Variants in CAMTA1 observed in about 807,000 individuals in gnomAD.
CAMTA1 encodes the protein calmodulin-binding transcription activator 1.
CAMTA1 carries 27 observed loss-of-function variants against 170.9 expected under a neutral mutation model. That is an observed-to-expected ratio of 0.16 (90% confidence interval 0.12 to 0.22). CAMTA1 has a LOEUF of 0.22. CAMTA1 is among the 10% of genes least tolerant of loss of function. CAMTA1 has a pLI of 1.00. For missense variants in CAMTA1, 1,619 were observed against 2,217.2 expected, an observed-to-expected ratio of 0.73 and a Z score of 5.42; for synonymous variants, 833 against 891.5, an observed-to-expected ratio of 0.93 and a Z score of 1.17.
chr1:7,484,510 C>T (rs1043846912), intron 6 of CAMTA1, among the ~76,000 whole-genome samples: 10 of 152,318 alleles, frequency 6.6e-5, no homozygotes, highest in African/African-American at 2.4e-4. Flanking sequence ...ACAATCGTGG[C>T]CGGGCACGGT....
chr1:6,842,194 G>A (rs1656052726), intron 3 of CAMTA1, among the ~76,000 whole-genome samples: 3 of 152,216 alleles, frequency 2.0e-5, no homozygotes, highest in Admixed American at 1.3e-4. Flanking sequence ...GCTCACAGAG[G>A]TGGAAGACCA....
chr1:7,195,317 C>T lies in CAMTA1; in HGVS notation c.303-54174C>T, dbSNP rs773755732. Among the ~76,000 whole-genome samples the T allele has an allele frequency of 3.3e-5, 5 of 152,186 alleles. No homozygotes were observed. Among genetic ancestry groups the T allele is most frequent in the Admixed American group, 6.5e-5 (1 of 15,276 alleles). Reference sequence around the variant, plus strand: ...GAAATGCAAGTGGAAATGACAAGTGCGACTTCATGGCACAGATTTTCGGAG... The same window carrying T: ...GAAATGCAAGTGGAAATGACAAGTGTGACTTCATGGCACAGATTTTCGGAG... On this transcript the variant is annotated intron_variant, in intron 4 of 22. Coordinates refer to ENST00000303635, the MANE Select transcript of CAMTA1 (RefSeq NM_015215.4). This position sits in a 1 kb window ranked among gnomAD's most constrained non-coding sequence, Gnocchi z 4.1.
At chr1:7,222,402 C>A (rs1224897116) in intron 4 of CAMTA1, among the ~76,000 whole-genome samples, 1 of 152,130 alleles carries the variant, frequency 6.6e-6, no homozygotes, top group African/African-American at 2.4e-5. Flanking sequence ...TTCTGCATCT[C>A]GCTGTCTTCC....
chr1:7,307,756 A>T (rs879899229), intron 5 of CAMTA1, among the ~76,000 whole-genome samples: 1 of 151,920 alleles, frequency 6.6e-6, no homozygotes, highest in Non-Finnish European at 1.5e-5. Context: ...TTTATTTTCT[A>T]ATATTCTGTT....
At chr1:6,932,188 C>G (rs1437037742) in intron 3 of CAMTA1, among the ~76,000 whole-genome samples, 1 of 152,078 alleles carries the variant, frequency 6.6e-6, no homozygotes, top group Non-Finnish European at 1.5e-5. Flanking sequence ...CCAGGGCCTC[C>G]CCCCTCCTCG....
chr1:6,856,262 C>A (rs1418465052), intron 3 of CAMTA1, among the ~76,000 whole-genome samples: 1 of 149,308 alleles, frequency 6.7e-6, no homozygotes, highest in Non-Finnish European at 1.5e-5. Flanking sequence ...TCAAGATGGC[C>A]AAGATGGAAC....
intron 5 of CAMTA1, among the ~76,000 whole-genome samples, chr1:7,281,899 C>G (rs1671574908): frequency 6.6e-6 from 1 of 151,380 alleles, no homozygotes; most frequent in Admixed American, 6.6e-5. Flanking sequence ...TAGAAACCAA[C>G]CCCCTGTTCT....
chr1:6,919,846 G>T (rs1005228326), intron 3 of CAMTA1, among the ~76,000 whole-genome samples: 1 of 152,020 alleles, frequency 6.6e-6, no homozygotes, highest in South Asian at 2.1e-4. Context: ...TCGCTATTAC[G>T]AGAACAGCAT....
intron 5 of CAMTA1, among the ~76,000 whole-genome samples, chr1:7,369,573 T>C (rs1301522612): frequency 6.6e-6 from 1 of 151,808 alleles, no homozygotes; most frequent in Non-Finnish European, 1.5e-5. Context: ...TGGGTGGGGA[T>C]TCCAGCCATC....
At chr1:7,564,839 G>A (rs373114466) in intron 6 of CAMTA1, among the ~76,000 whole-genome samples, 1 of 152,062 alleles carries the variant, frequency 6.6e-6, no homozygotes, top group African/African-American at 2.4e-5. Context: ...CAGAAAAAAG[G>A]AGAGTTGAGA....
chr1:6,879,893 A>G (rs144105754), intron 3 of CAMTA1, among the ~76,000 whole-genome samples: 34 of 148,854 alleles, frequency 2.3e-4, no homozygotes, highest in Non-Finnish European at 2.8e-4. Flanking sequence ...TCCCAAAGTG[A>G]TGGGATTACA....
At chr1:7,631,755 G>A (rs909044087) in intron 6 of CAMTA1, among the ~76,000 whole-genome samples, 1 of 152,166 alleles carries the variant, frequency 6.6e-6, no homozygotes, top group Admixed American at 6.5e-5. Context: ...TTGTGCTTCC[G>A]TCCATCCTCC....
At chr1:7,555,801 C>T (rs1477835886) in intron 6 of CAMTA1, among the ~76,000 whole-genome samples, 1 of 152,154 alleles carries the variant, frequency 6.6e-6, no homozygotes, top group African/African-American at 2.4e-5. Flanking sequence ...CCCCAGGTCA[C>T]CACTAGGTCT....
intron 6 of CAMTA1, among the ~76,000 whole-genome samples, chr1:7,579,547 C>CTTTTCT: frequency 1.8e-5 from 2 of 111,462 alleles, no homozygotes; most frequent in East Asian, 2.3e-4. Context: ...CTTTTCTTTT[C>CTTTTCT]TTTTCTTTTT....
Position 7,649,080 on chromosome 1 carries a change from G to A in CAMTA1, c.664+8527G>A, listed in dbSNP as rs531546585. 6.8e-4 allele frequency among the ~76,000 whole-genome samples: 104 copies of A among 152,354 alleles called. 1 individual carries two copies. Among genetic ancestry groups the A allele is most frequent in the Non-Finnish European group, 9.8e-4 (67 of 68,030 alleles). On this transcript the variant is annotated intron_variant, in intron 7 of 22. Transcript: ENST00000303635. The stretch of plus-strand genomic sequence containing the variant: ...CTAAGTACTGGGTGTACCATTTCTG[G>A]ATGTTCCAGGACTGTGTGAGGACTT...
Position 7,093,419 on chromosome 1 carries a change from G to C in CAMTA1, c.302+2048G>C, listed in dbSNP as rs1346196586. Among the ~76,000 whole-genome samples, 1 of 152,116 alleles carries C rather than the reference G, an allele frequency of 6.6e-6. No individual in the cohort carries two copies. The highest frequency in any genetic ancestry group is 6.5e-5 in the Admixed American group (1 of 15,268). ...TGGCCCTTATCTCAAGCAGCCGCCA[G>C]CCTCTCCTTGCGCCCTTCACTCTCC... On this transcript the variant is annotated intron_variant, in intron 4 of 22. Transcript: ENST00000303635. The surrounding 1 kb of genome is among the most constrained non-coding windows in gnomAD (Gnocchi z 4.6).
At chr1:7,397,310 G>T (rs750442068) in intron 5 of CAMTA1, among the ~76,000 whole-genome samples, 2 of 151,842 alleles carry the variant, frequency 1.3e-5, no homozygotes, top group South Asian at 4.2e-4. Context: ...ATGATCCTTT[G>T]TATTTCTGTG....
chr1:6,846,006 A>C lies in CAMTA1; in HGVS notation c.234+20796A>C, dbSNP rs546801181. 1.5e-4 allele frequency among the ~76,000 whole-genome samples: 23 copies of C among 152,138 alleles called. No individual in the cohort carries two copies. The East Asian group carries it at 3.7e-3, about 24-fold the overall frequency. ...GGCAGACGAGAGAATGTGCAGGGGA[A>C]CTCCCGTTTATAAAACCATCAGATC... On this transcript the variant is annotated intron_variant, in intron 3 of 22. Coordinates refer to ENST00000303635, the MANE Select transcript of CAMTA1 (RefSeq NM_015215.4).
intron 5 of CAMTA1, among the ~76,000 whole-genome samples, chr1:7,255,649 C>T (rs1319213407): frequency 6.6e-6 from 1 of 152,194 alleles, no homozygotes; most frequent in African/African-American, 2.4e-5. Context: ...AAAAAAGATA[C>T]ATCGAGTATT....
Sources: gnomAD v4.1 joint callset for allele counts (sites outside exome capture counted in the v4.1 genomes callset) on GRCh38, gnomAD v4.1.1 for gene constraint, Gnocchi (gnomAD v3.1) non-coding constraint, MANE v1.5 for transcripts, NCBI Gene and HGNC (gene_info 2026-07-23, HGNC 2026-07-21) for gene names.